The following SGK1 variants were observed in gnomAD, a reference collection of about 807,000 sequenced individuals.
SGK1 encodes serine/threonine-protein kinase Sgk1.
A neutral mutation model predicts 64.2 loss-of-function variants in SGK1; 26 were observed. The ratio of observed to expected loss-of-function variants is 0.40; its 90% confidence interval spans 0.30 to 0.56. SGK1 has a LOEUF of 0.56. Among genes scored for constraint, SGK1 ranks in the 20% least tolerant of loss-of-function variants. The pLI is 0.38. For synonymous variants in SGK1, 265 were observed against 239.7 expected, an observed-to-expected ratio of 1.11 and a Z score of -0.98; for missense variants, 519 against 645.6, an observed-to-expected ratio of 0.80 and a Z score of 2.12.
At chr6:134,268,432 C>T (rs1776887564) in intron 1 of SGK1, among the ~76,000 whole-genome samples, 1 of 152,050 alleles carries the variant, frequency 6.6e-6, no homozygotes, top group Admixed American at 6.6e-5. Flanking sequence ...CTGAATAAAT[C>T]AAGAATTCCC....
intron 1 of SGK1, among the ~76,000 whole-genome samples, chr6:134,278,310 T>A (rs1409853909): frequency 6.6e-6 from 1 of 152,254 alleles, no homozygotes. Flanking sequence ...AAGATAATTT[T>A]ATGCCCTTAA....
At chr6:134,308,597 C>G (rs2010698) in intron 1 of SGK1, among the ~76,000 whole-genome samples, 2 of 152,094 alleles carry the variant, frequency 1.3e-5, no homozygotes, top group Non-Finnish European at 2.9e-5. Context: ...CTCTCTGTCA[C>G]CCAGCCTGGC....
intron 2 of SGK1, among the ~76,000 whole-genome samples, chr6:134,216,194 T>C (rs1331309249): frequency 1.3e-5 from 2 of 152,188 alleles, no homozygotes; most frequent in Non-Finnish European, 2.9e-5. Context: ...TGATTCCTTT[T>C]TGGTTTATAA....
Position 134,206,365 on chromosome 6 carries a change from ATATATATATATATATATATTTTTTTTT to A in SGK1, c.361+964_361+990del, listed in dbSNP as rs1415670440. On this transcript the variant is annotated intron_variant, in intron 3 of 13. Transcript: ENST00000367858. ...TATATATATATATATATATATATAT[ATATATATATATATATATATTTTTTTTT>A]TTTTTTTTTTTTTTTAAATGACAGG... 6.3e-3 allele frequency among the ~76,000 whole-genome samples: 65 copies of A among 10,276 alleles called. 1 individual carries two copies. The highest frequency in any genetic ancestry group is 0.011 in the African/African-American group (50 of 4,582). 6.7% of individuals were successfully genotyped at this position (10,276 alleles called of 152,430 possible).
intron 1 of SGK1, among the ~76,000 whole-genome samples, chr6:134,294,968 T>G (rs1777323710): frequency 1.3e-5 from 2 of 152,258 alleles, no homozygotes; most frequent in South Asian, 4.1e-4. Flanking sequence ...ATGATTTTTA[T>G]TAGTGACAAA....
chr6:134,212,585 G>A (rs73560865), intron 2 of SGK1, among the ~76,000 whole-genome samples: 16,771 of 152,022 alleles, frequency 0.11, 1,845 homozygotes, highest in African/African-American at 0.28. Flanking sequence ...AGTCCTCAGG[G>A]AGCTCCCAGG....
rs185347248 is a variant in SGK1 at position 134,274,090 on chromosome 6, G to A, written c.70-11942C>T. Among the ~76,000 whole-genome samples, 13 of 151,986 alleles carry A rather than the reference G, an allele frequency of 8.6e-5. No homozygotes were observed. In the East Asian group the frequency reaches 1.2e-3, roughly 14 times the overall value. On this transcript the variant is annotated intron_variant, in intron 1 of 13. Transcript: ENST00000367858. ...GCGATCTTGGCTCACTGCAACCTCC[G>A]CCTCCCAGGTTCAAGAGATTCTCCT...
intron 3 of SGK1, among the ~76,000 whole-genome samples, chr6:134,184,776 C>T (rs533687017): frequency 2.0e-5 from 3 of 152,204 alleles, no homozygotes; most frequent in East Asian, 1.9e-4. Flanking sequence ...CTCTGCCTCC[C>T]GGGCTCAAGC....
intron 2 of SGK1, among the ~76,000 whole-genome samples, chr6:134,241,636 T>A (rs182874818): frequency 5.3e-5 from 8 of 151,840 alleles, no homozygotes; most frequent in Non-Finnish European, 8.8e-5. Flanking sequence ...TTATTTATTT[T>A]TTGAGATGGA....
intron 2 of SGK1, among the ~76,000 whole-genome samples, chr6:134,255,552 C>T (rs1035760915): frequency 1.4e-5 from 2 of 143,978 alleles, no homozygotes; most frequent in African/African-American, 2.5e-5. Flanking sequence ...GTCTCAAAAA[C>T]AAACAAAGGC....
At chr6:134,192,382 G>A (rs1469916442) in intron 3 of SGK1, among the ~76,000 whole-genome samples, 1 of 152,184 alleles carries the variant, frequency 6.6e-6, no homozygotes, top group Non-Finnish European at 1.5e-5. Context: ...CTCCAGCCCA[G>A]CCTGAGCTAA....
intron 2 of SGK1, among the ~76,000 whole-genome samples, chr6:134,239,348 G>C (rs529640875): frequency 1.3e-5 from 2 of 152,312 alleles, no homozygotes; most frequent in Non-Finnish European, 2.9e-5. Flanking sequence ...AGCTGACCTG[G>C]ATCTAAAACC....
intron 3 of SGK1, chr6:134,175,598 T>G: frequency 6.5e-7 from 1 of 1,550,214 alleles, no homozygotes; most frequent in Non-Finnish European, 8.7e-7. Context: ...GCCCTCTTTT[T>G]GTGGCGGGGC....
intron 2 of SGK1, among the ~76,000 whole-genome samples, chr6:134,232,413 G>GAGAA (rs775588688): frequency 0.019 from 904 of 47,582 alleles, 26 homozygotes; most frequent in African/African-American, 0.029. Flanking sequence ...AAGAAAGAAA[G>GAGAA]AGAAAGAAAG....
chr6:134,285,496 A>G (rs1190337204), intron 1 of SGK1, among the ~76,000 whole-genome samples: 1 of 147,264 alleles, frequency 6.8e-6, no homozygotes, highest in African/African-American at 2.5e-5. Flanking sequence ...AAAAAAAAAA[A>G]GGTGGTCCCT....
intron 2 of SGK1, chr6:134,260,381 C>CCCCA (rs1474660359): frequency 1.4e-5 from 2 of 143,782 alleles, no homozygotes; most frequent in African/African-American, 2.5e-5. Flanking sequence ...CCCACCCCCC[C>CCCCA]CAAAAAAAGG....
intron 2 of SGK1, among the ~76,000 whole-genome samples, chr6:134,215,293 T>C (rs1775961493): frequency 6.6e-6 from 1 of 151,774 alleles, no homozygotes; most frequent in Admixed American, 6.6e-5. Flanking sequence ...TTTTTGTATG[T>C]TTAGTAGAGA....
At chr6:134,202,506 TG>T (rs1379922378) in intron 3 of SGK1, among the ~76,000 whole-genome samples, 1 of 151,900 alleles carries the variant, frequency 6.6e-6, no homozygotes, top group Non-Finnish European at 1.5e-5. Context: ...CCAGGCATGG[TG>T]GCATGCACCT....
chr6:134,229,801 G>A (rs891013527), intron 2 of SGK1, among the ~76,000 whole-genome samples: 6 of 152,122 alleles, frequency 3.9e-5, no homozygotes, highest in Admixed American at 6.5e-5. Context: ...TTTCTGTAGA[G>A]AATAGTCAGA....
Sources: allele counts gnomAD v4.1 joint callset (sites outside exome capture counted in the v4.1 genomes callset), GRCh38; gene constraint gnomAD v4.1.1; transcripts MANE v1.5; gene names NCBI Gene and HGNC (gene_info 2026-07-23, HGNC 2026-07-21).